Variants in RGS12 observed in about 807,000 individuals in gnomAD.
RGS12 encodes regulator of G protein signaling 12.
Under a neutral mutation model 120.1 loss-of-function variants are expected in RGS12, and 66 were observed. That is an observed-to-expected ratio of 0.55 (90% CI 0.45 to 0.67). The LOEUF (loss-of-function observed/expected upper bound fraction) is 0.67. RGS12 is among the 30% of genes least tolerant of loss of function. RGS12 has a pLI of 0.00. For missense variants in RGS12, 1,859 were observed against 1,957.7 expected (o/e 0.95, Z 0.95); for synonymous variants, 827 against 804.7 (o/e 1.03, Z -0.47).
In RGS12 at chr4:3,316,805, G is replaced by A. The variant is rs1027293239; in HGVS notation, c.635G>A (p.Gly212Glu). The A allele has an allele frequency of 6.2e-7, 1 of 1,614,176 alleles. No individual in the cohort carries two copies. The highest frequency in any genetic ancestry group is 8.5e-7 in the Non-Finnish European group (1 of 1,180,022). Residue 212 changes from glycine (G) to glutamate (E), a missense_variant, in exon 2 of 18, where the codon GGA becomes GAA. This residue lies in a region of RGS12 where 967 missense variants were observed against 994.2 expected (regional missense o/e 0.97). Coordinates refer to ENST00000336727, the MANE Select transcript of RGS12 (RefSeq NM_001394154.1). ...CATGATGATTCGGTTTTCAGCATTG[G>A]ACTAGAAAGTCATGACGATTTTGCA... ...VIHDDSVFSI[G>E]LESHDDFALD...
At chr4:3,434,608 C>T (rs1217528759) in intron 17 of RGS12, among the ~76,000 whole-genome samples, 1 of 152,180 alleles carries the variant, frequency 6.6e-6, no homozygotes, top group African/African-American at 2.4e-5. Context: ...CAGTCATCTT[C>T]CACCCCTGCA....
At chr4:3,427,135 A>G (rs185102761) in intron 14 of RGS12, among the ~76,000 whole-genome samples, 37 of 152,264 alleles carry the variant, frequency 2.4e-4, no homozygotes, top group African/African-American at 8.7e-4. Flanking sequence ...GCTCTAGGGA[A>G]AGCCTTACGC....
At chr4:3,373,855 A>G (rs768912528) in intron 3 of RGS12, among the ~76,000 whole-genome samples, 2 of 152,242 alleles carry the variant, frequency 1.3e-5, no homozygotes, top group Non-Finnish European at 2.9e-5. Context: ...CGTCATCTAT[A>G]TAAGGAAAGA....
chr4:3,414,909 GGTGTGTGAGAGGGCCAC>G, intron 6 of RGS12, 65 bp downstream of exon 6: 1 of 1,248,542 alleles, frequency 8.0e-7, no homozygotes, highest in Non-Finnish European at 1.2e-6. Context: ...GCATGTGAGG[GGTGTGTGAGAGGGCCAC>G]GTGTGTGAGG....
intron 2 of RGS12, among the ~76,000 whole-genome samples, chr4:3,338,653 G>A (rs1056543209): frequency 6.6e-6 from 1 of 152,158 alleles, no homozygotes; most frequent in East Asian, 1.9e-4. Flanking sequence ...GTTGGCGGGC[G>A]GGCGGTGTCT....
In RGS12 at chr4:3,372,004, C is replaced by T. The variant is rs1378900591; in HGVS notation, c.1999-14412C>T. On this transcript the variant is annotated intron_variant, in intron 3 of 17. Coordinates refer to ENST00000336727, the MANE Select transcript of RGS12 (RefSeq NM_001394154.1). The surrounding 1 kb of genome is among the most constrained non-coding windows in gnomAD (Gnocchi z 4.3). Reference sequence around the variant, plus strand: ...GGAGGCTCTGGCTGGCCAGATCAGTCGATGCCTGGTTCCCTGGCTTTGGCA... The same window carrying T: ...GGAGGCTCTGGCTGGCCAGATCAGTTGATGCCTGGTTCCCTGGCTTTGGCA... 6.6e-6 allele frequency among the ~76,000 whole-genome samples: 1 copy of T among 152,150 alleles called. No homozygotes were observed.
At chr4:3,309,163 T>G (rs1287916324) in intron 1 of RGS12, among the ~76,000 whole-genome samples, 171 of 7,104 alleles carry the variant, frequency 0.024, 3 homozygotes, top group East Asian at 0.046. Flanking sequence ...AGGGGAACCG[T>G]GTTGAGGAGG....
At chr4:3,422,770 G>C in intron 11 of RGS12, 135 bp from the exon 12 acceptor site, 2 of 992,628 alleles carry the variant, frequency 2.0e-6, no homozygotes, top group Non-Finnish European at 3.1e-6. Context: ...TGTGGAAAGG[G>C]TGATCGCTTT....
chr4:3,373,241 C>T (rs947571638), intron 3 of RGS12, among the ~76,000 whole-genome samples: 2 of 152,252 alleles, frequency 1.3e-5, no homozygotes, highest in African/African-American at 4.8e-5. Flanking sequence ...AACCTTCACT[C>T]TTCCCTCGCG....
In RGS12 at chr4:3,316,678, T is replaced by A; in HGVS notation, c.508T>A (p.Ser170Thr). ...NSEPLKLKQRSLSESAATRFD... is the reference protein window; with the variant it reads ...NSEPLKLKQRTLSESAATRFD... Reference sequence around the variant, plus strand: ...AGAGCCCTTGAAATTGAAACAAAGATCCCTTTCAGAGTCGGCCGCAACTCG... The same window carrying A: ...AGAGCCCTTGAAATTGAAACAAAGAACCCTTTCAGAGTCGGCCGCAACTCG... The change falls in exon 2 of 18, where the codon TCC (serine) becomes ACC (threonine). Residue 170 changes from serine (S) to threonine (T), a missense_variant. Physicochemically the swap from Ser to Thr is moderately conservative, Grantham distance 58 (BLOSUM62 1). This residue lies in a region of RGS12 where 967 missense variants were observed against 994.2 expected (regional missense o/e 0.97). Transcript: ENST00000336727. 6.2e-7 allele frequency: 1 copy of A among 1,614,042 alleles called. No homozygotes were observed. Among genetic ancestry groups the A allele is most frequent in the Non-Finnish European group, 8.5e-7 (1 of 1,180,000 alleles).
intron 1 of RGS12, among the ~76,000 whole-genome samples, chr4:3,305,044 C>T (rs1272605298): frequency 6.6e-6 from 1 of 152,184 alleles, no homozygotes; most frequent in African/African-American, 2.4e-5. Context: ...TCGCTAATAT[C>T]GCTGTTAGAA....
chr4:3,307,235 G>C (rs539761267), intron 1 of RGS12, among the ~76,000 whole-genome samples: 1 of 152,198 alleles, frequency 6.6e-6, no homozygotes, highest in Admixed American at 6.5e-5. Context: ...CCTGGGATAC[G>C]GCCTTTGCCG....
intron 4 of RGS12, among the ~76,000 whole-genome samples, chr4:3,404,691 T>C (rs1415813474): frequency 1.3e-5 from 2 of 152,204 alleles, no homozygotes; most frequent in African/African-American, 2.4e-5. Context: ...GATGGAGAGA[T>C]AGACATAGCA....
intron 6 of RGS12, 118 bp downstream of exon 6, chr4:3,414,962 G>T: frequency 1.4e-6 from 1 of 712,798 alleles, no homozygotes; most frequent in East Asian, 2.7e-5. Context: ...TGTGTGAGGG[G>T]CGTGAGAGGG....
chr4:3,374,262 C>T lies in RGS12; in HGVS notation c.1999-12154C>T, dbSNP rs775403502. The stretch of plus-strand genomic sequence containing the variant: ...AGCTCCGAGTGCTGGGCCAGCTTGC[C>T]TTGGGCTTCTGCAGCAGCGCCCTCC... On this transcript the variant is annotated intron_variant, in intron 3 of 17. Coordinates refer to ENST00000336727, the MANE Select transcript of RGS12 (RefSeq NM_001394154.1). The surrounding 1 kb of genome is among the most constrained non-coding windows in gnomAD (Gnocchi z 6.3). 6.6e-6 allele frequency among the ~76,000 whole-genome samples: 1 copy of T among 152,280 alleles called. No individual in the cohort carries two copies. The highest frequency in any genetic ancestry group is 1.5e-5 in the Non-Finnish European group (1 of 68,046).
intron 3 of RGS12, among the ~76,000 whole-genome samples, chr4:3,362,616 A>AG (rs1284747977): frequency 2.0e-5 from 2 of 98,642 alleles, no homozygotes; most frequent in African/African-American, 4.1e-5. Context: ...GGATGTCGTG[A>AG]GGGGGTGTGT....
At chr4:3,358,198 C>T (rs1392862495) in intron 3 of RGS12, among the ~76,000 whole-genome samples, 1 of 151,786 alleles carries the variant, frequency 6.6e-6, no homozygotes, top group Non-Finnish European at 1.5e-5. Context: ...TTGTGTCCTC[C>T]TGTTGGCAGA....
At chr4:3,336,837 CAG>C (rs767554932) in intron 2 of RGS12, among the ~76,000 whole-genome samples, 4 of 152,098 alleles carry the variant, frequency 2.6e-5, no homozygotes, top group African/African-American at 9.7e-5. Flanking sequence ...AGTTAATATG[CAG>C]AGTCTATAGA....
chr4:3,357,540 G>T (rs547277959), intron 3 of RGS12, among the ~76,000 whole-genome samples: 1 of 152,066 alleles, frequency 6.6e-6, no homozygotes, highest in African/African-American at 2.4e-5. Context: ...AGTAATTTTT[G>T]TATATGGTGT....
Sources: gnomAD v4.1 joint callset for allele counts (sites outside exome capture counted in the v4.1 genomes callset) on GRCh38, gnomAD v4.1.1 for gene constraint, gnomAD v4.1.1 regional missense constraint, Gnocchi (gnomAD v3.1) non-coding constraint, MANE v1.5 for transcripts, NCBI Gene and HGNC (gene_info 2026-07-23, HGNC 2026-07-21) for gene names.